The following INPP5D variants were observed in gnomAD, a reference collection of about 807,000 sequenced individuals.
INPP5D encodes phosphatidylinositol 3,4,5-trisphosphate 5-phosphatase 1.
INPP5D carries 33 observed loss-of-function variants against 122.9 expected under a neutral mutation model. The ratio of observed to expected loss-of-function variants is 0.27; its 90% CI spans 0.20 to 0.36. The LOEUF (loss-of-function observed/expected upper bound fraction) is 0.36, where lower values mean the gene tolerates loss of function less well. Ranked by LOEUF, INPP5D falls within the 10% of genes least tolerant of loss-of-function variation. The pLI is 1.00. For missense variants in INPP5D, 1,053 were observed against 1,412.7 expected (o/e 0.75, Z 4.08); for synonymous variants, 584 against 576.2 (o/e 1.01, Z -0.19).
chr2:233,146,154 T>C lies in INPP5D; in HGVS notation c.754-8T>C, dbSNP rs374545531. 2 of 704,026 alleles carry C rather than the reference T, an allele frequency of 2.8e-6. No homozygotes were observed. Among genetic ancestry groups the C allele is most frequent in the Non-Finnish European group, 5.2e-6 (2 of 384,972 alleles). 43.6% of individuals were successfully genotyped at this position (704,026 alleles called of 1,614,324 possible). A position where few individuals can be genotyped will look rare whatever the true frequency, so the allele number is the denominator to read the frequency against. ...TGCTGCCCTGATCCTCTTTCCCTCC[T>C]CTCCCAGGTTCCTGGTGAGGCCAAT... is the stretch of plus-strand genomic sequence containing the variant. On this transcript the variant is annotated splice_polypyrimidine_tract_variant and splice_region_variant and intron_variant, in intron 6 of 26. Transcript: ENST00000445964.
chr2:233,194,042 C>T (rs746309528), intron 23 of INPP5D, 81 bp downstream of exon 23: 26 of 1,461,340 alleles, frequency 1.8e-5, no homozygotes, highest in Middle Eastern at 5.1e-4. Context: ...GCAAAGCTGT[C>T]GAATATGCTC....
intron 2 of INPP5D, among the ~76,000 whole-genome samples, chr2:233,117,230 G>A (rs1692828085): frequency 6.6e-6 from 1 of 152,158 alleles, no homozygotes; most frequent in South Asian, 2.1e-4. Context: ...AGGAACCAAG[G>A]GCAGTCCCCT....
In INPP5D at chr2:233,164,046, T is replaced by A. The variant is rs937502099; in HGVS notation, c.1437+143T>A. 3.4e-5 allele frequency: 48 copies of A among 1,418,950 alleles called. No individual in the cohort carries two copies. The East Asian group carries it at 1.2e-3, about 35-fold the overall frequency. 87.9% of individuals were successfully genotyped at this position (1,418,950 alleles called of 1,614,324 possible). On this transcript the variant is annotated intron_variant, in intron 12 of 26. Transcript: ENST00000445964. This position sits in a 1 kb window ranked among gnomAD's most constrained non-coding sequence, Gnocchi z 4.3. ...AGGCCCCCACTGAGAGATGCGTCTGTATTCAGAAATAAATGGGATCTGTGG... is the reference window on the plus strand; with the variant it reads ...AGGCCCCCACTGAGAGATGCGTCTGAATTCAGAAATAAATGGGATCTGTGG...
At chr2:233,166,522 G>A (rs1285531193) in intron 13 of INPP5D, among the ~76,000 whole-genome samples, 1 of 152,132 alleles carries the variant, frequency 6.6e-6, no homozygotes, top group Non-Finnish European at 1.5e-5. Flanking sequence ...GAGGAGAAAG[G>A]CCTGGCCAGA....
In INPP5D at chr2:233,128,199, T is replaced by C; in HGVS notation, c.524+2280T>C. On this transcript the variant is annotated intron_variant, in intron 4 of 26. Coordinates refer to ENST00000445964, the MANE Select transcript of INPP5D (RefSeq NM_001017915.3). The surrounding 1 kb of genome is among the most constrained non-coding windows in gnomAD (Gnocchi z 4.5). Reference sequence around the variant, plus strand: ...AGGCTGCACGCCTCTTAGGAGAATCTAACTAACGCCTGATGATCTGAGATG... The same window carrying C: ...AGGCTGCACGCCTCTTAGGAGAATCCAACTAACGCCTGATGATCTGAGATG... Among the ~76,000 whole-genome samples, 1 of 152,136 alleles carries C rather than the reference T, an allele frequency of 6.6e-6. No homozygotes were observed. The highest frequency in any genetic ancestry group is 1.5e-5 in the Non-Finnish European group (1 of 68,020).
intron 23 of INPP5D, among the ~76,000 whole-genome samples, chr2:233,194,758 G>T (rs558518929): frequency 6.6e-6 from 1 of 151,414 alleles, no homozygotes; most frequent in African/African-American, 2.4e-5. Flanking sequence ...TCCGCCTCCT[G>T]AAGTGCTGGG....
Position 233,146,229 on chromosome 2 carries a change from C to G in INPP5D, c.821C>G (p.Ser274Cys), listed in dbSNP as rs1478213206. The change falls in exon 7 of 27, where the codon TCC becomes TGC. Residue 274 changes from serine (S) to cysteine (C), a missense_variant. Physicochemically the swap from Ser to Cys is moderately radical, Grantham distance 112. This residue lies in a region of INPP5D where 196 missense variants were observed against 175.6 expected (regional missense o/e 1.12). Transcript: ENST00000445964. ...AGCCAACTGACAAGCCTGTTGTCGT[C>G]CATTGAAGACAAGGTACGTGTGGGG... is the stretch of plus-strand genomic sequence containing the variant. ...KLSQLTSLLS[S>C]IEDKVKALLH... is the part of the protein sequence containing the mutation. 1 of 704,280 alleles carries G rather than the reference C, an allele frequency of 1.4e-6. No individual in the cohort carries two copies. Among genetic ancestry groups the G allele is most frequent in the Non-Finnish European group, 2.6e-6 (1 of 385,006 alleles). The allele number at this position is 704,280 out of a possible 1,614,324, so 43.6% of individuals were successfully genotyped here.
In INPP5D at chr2:233,177,248, A is replaced by T. The variant is rs1248721426; in HGVS notation, c.1990-17A>T. 9 of 1,613,666 alleles carry T rather than the reference A, an allele frequency of 5.6e-6. No homozygotes were observed. In the Admixed American group the frequency reaches 1.0e-4, roughly 18 times the overall value. On this transcript the variant is annotated splice_polypyrimidine_tract_variant and intron_variant, in intron 17 of 26. Transcript: ENST00000445964. The surrounding 1 kb of genome is among the most constrained non-coding windows in gnomAD (Gnocchi z 4.2). ...TAATAAGAGGCATTTTTTAAAGCCT[A>T]TGACTTTGATTTGCAGATGAAGTAC...
At chr2:233,168,980 C>A (rs1199352640) in intron 13 of INPP5D, 2 of 306,772 alleles carry the variant, frequency 6.5e-6, no homozygotes, top group Non-Finnish European at 1.3e-5. Context: ...CCCACCCAGG[C>A]TGGAACCTTC....
intron 3 of INPP5D, among the ~76,000 whole-genome samples, chr2:233,123,848 T>C (rs567593076): frequency 2.0e-5 from 3 of 152,182 alleles, no homozygotes; most frequent in Non-Finnish European, 4.4e-5. Context: ...TCATTATCCT[T>C]AGCAAACTAA....
At chr2:233,085,544 G>A (rs1691808549) in intron 2 of INPP5D, among the ~76,000 whole-genome samples, 1 of 151,996 alleles carries the variant, frequency 6.6e-6, no homozygotes, top group Non-Finnish European at 1.5e-5. Context: ...TCCTTTCATT[G>A]ATAGTACCTG....
chr2:233,192,033 C>T (rs1051926699), intron 22 of INPP5D, among the ~76,000 whole-genome samples: 5 of 152,148 alleles, frequency 3.3e-5, no homozygotes, highest in African/African-American at 4.8e-5. Flanking sequence ...GAGGTAACTA[C>T]GTGATCTTGG....
intron 5 of INPP5D, among the ~76,000 whole-genome samples, chr2:233,131,534 T>TAAAAAAAA (rs754526793): frequency 4.2e-4 from 57 of 134,372 alleles, no homozygotes; most frequent in Middle Eastern, 3.8e-3. Context: ...CTGTCTCTAC[T>TAAAAAAAA]AAAAAAAAAA....
At chr2:233,167,207 CAA>C (rs565735597) in intron 13 of INPP5D, among the ~76,000 whole-genome samples, 1,695 of 102,132 alleles carry the variant, frequency 0.017, 16 homozygotes, top group African/African-American at 0.05. Context: ...ACCATTTCTA[CAA>C]AAAAAAAAAA....
intron 2 of INPP5D, among the ~76,000 whole-genome samples, chr2:233,084,217 C>A (rs1691769641): frequency 6.6e-6 from 1 of 152,172 alleles, no homozygotes; most frequent in Non-Finnish European, 1.5e-5. Context: ...CTATGCCCAG[C>A]TAAATTTTGT....
chr2:233,179,103 C>T (rs2106311078), intron 18 of INPP5D, among the ~76,000 whole-genome samples: 1 of 152,346 alleles, frequency 6.6e-6, no homozygotes, highest in Admixed American at 6.5e-5. Context: ...GAAGTGACGT[C>T]ACTAGACGAA....
At chr2:233,086,178 T>TTTCC (rs1305185201) in intron 2 of INPP5D, among the ~76,000 whole-genome samples, 2 of 145,746 alleles carry the variant, frequency 1.4e-5, no homozygotes, top group African/African-American at 2.6e-5. Context: ...TCTTTCTTTC[T>TTTCC]TTCTTTCTTT....
intron 13 of INPP5D, among the ~76,000 whole-genome samples, chr2:233,167,917 A>T (rs1232721680): frequency 6.7e-6 from 1 of 148,238 alleles, no homozygotes; most frequent in African/African-American, 2.5e-5. Flanking sequence ...AGACAGGAGA[A>T]TTGCTTGAAC....
Position 233,100,525 on chromosome 2 carries a change from C to T in INPP5D, c.198+21127C>T, listed in dbSNP as rs1254798306. Reference sequence around the variant, plus strand: ...CTCCCGGTGACAATCAGAATTCCCCCTGGCCTGCCCTCAGGTGTCCTGGCT... The same window carrying T: ...CTCCCGGTGACAATCAGAATTCCCCTTGGCCTGCCCTCAGGTGTCCTGGCT... On this transcript the variant is annotated intron_variant, in intron 2 of 26. Coordinates refer to ENST00000445964, the MANE Select transcript of INPP5D (RefSeq NM_001017915.3). This position sits in a 1 kb window ranked among gnomAD's most constrained non-coding sequence, Gnocchi z 5.3. Among the ~76,000 whole-genome samples the T allele has an allele frequency of 6.6e-6, 1 of 152,196 alleles. No homozygotes were observed. Among genetic ancestry groups the T allele is most frequent in the East Asian group, 1.9e-4 (1 of 5,184 alleles).
Sources: allele counts gnomAD v4.1 joint callset (sites outside exome capture counted in the v4.1 genomes callset), GRCh38; gene constraint gnomAD v4.1.1; regional missense constraint gnomAD v4.1.1; non-coding constraint Gnocchi (gnomAD v3.1); transcripts MANE v1.5; gene names NCBI Gene and HGNC (gene_info 2026-07-23, HGNC 2026-07-21).